Variants in CNTNAP2 observed in about 807,000 individuals in gnomAD.
CNTNAP2 encodes the protein contactin-associated protein-like 2.
In CNTNAP2, 98 loss-of-function variants were observed where a neutral mutation model predicts 155.2. That is an observed-to-expected ratio of 0.63 (90% CI 0.54 to 0.75). The LOEUF (loss-of-function observed/expected upper bound fraction) is 0.75, where lower values mean the gene tolerates loss of function less well. Among genes scored for constraint, CNTNAP2 ranks in the 30% least tolerant of loss-of-function variants. The probability of loss-of-function intolerance (pLI) is 0.00; values close to 1 mark genes in which losing one functional copy is unlikely to be tolerated. For missense variants in CNTNAP2, 1,727 were observed against 1,688.1 expected (o/e 1.02, Z -0.40); for synonymous variants, 651 against 631.2 (o/e 1.03, Z -0.47).
intron 1 of CNTNAP2, among the ~76,000 whole-genome samples, chr7:146,216,277 G>A (rs1799111534): frequency 1.3e-5 from 2 of 152,100 alleles, no homozygotes; most frequent in South Asian, 4.1e-4. Flanking sequence ...TGATCAAGGT[G>A]GGAGATATGA....
At chr7:148,174,563 A>C (rs1006156464) in intron 18 of CNTNAP2, among the ~76,000 whole-genome samples, 2 of 152,240 alleles carry the variant, frequency 1.3e-5, no homozygotes, top group Admixed American at 6.5e-5. Context: ...TGTGGAAAAC[A>C]TCGCTAATAT....
Position 147,680,240 on chromosome 7 carries a change from G to T in CNTNAP2, c.2098+40934G>T, listed in dbSNP as rs1795927756. On this transcript the variant is annotated intron_variant, in intron 13 of 23. Transcript: ENST00000361727. Reference sequence around the variant, plus strand: ...AGAGAGAAAACTTTCCCATCATCAAGTTCCTGGACACTATGGTACTGCACT... The same window carrying T: ...AGAGAGAAAACTTTCCCATCATCAATTTCCTGGACACTATGGTACTGCACT... Among the ~76,000 whole-genome samples the T allele has an allele frequency of 2.0e-5, 3 of 151,858 alleles. No homozygotes were observed. In the South Asian group the frequency reaches 6.2e-4, roughly 31 times the overall value.
At chr7:146,768,283 C>T (rs1333304963) in intron 1 of CNTNAP2, among the ~76,000 whole-genome samples, 5 of 151,434 alleles carry the variant, frequency 3.3e-5, no homozygotes, top group African/African-American at 1.2e-4. Context: ...TCTATGGCTT[C>T]CCAAGCAGCA....
rs187730406 is a variant in CNTNAP2, at chr7:146,905,044, G to A, written c.402+65140G>A. ...ATGACATTTGGGGACAGATAATTCC[G>A]TGTAGTGGGAGATTGTCCTCTGCAT... is the stretch of plus-strand genomic sequence containing the variant. On this transcript the variant is annotated intron_variant, in intron 3 of 23. Transcript: ENST00000361727. Among the ~76,000 whole-genome samples, 10 of 152,182 alleles carry A rather than the reference G, an allele frequency of 6.6e-5. No homozygotes were observed. The East Asian group carries it at 1.7e-3, about 27-fold the overall frequency.
intron 13 of CNTNAP2, among the ~76,000 whole-genome samples, chr7:147,751,536 C>A (rs1797135815): frequency 6.6e-6 from 1 of 152,066 alleles, no homozygotes; most frequent in African/African-American, 2.4e-5. Flanking sequence ...ATTGCTATAA[C>A]TCTTAAATTT....
intron 1 of CNTNAP2, among the ~76,000 whole-genome samples, chr7:146,546,569 A>G (rs540996328): frequency 2.2e-4 from 34 of 151,902 alleles, no homozygotes; most frequent in African/African-American, 8.0e-4. Flanking sequence ...CATCTAAGTT[A>G]TACTTGGTCT....
chr7:146,968,334 T>G (rs1797703643), intron 3 of CNTNAP2, among the ~76,000 whole-genome samples: 1 of 152,102 alleles, frequency 6.6e-6, no homozygotes, highest in African/African-American at 2.4e-5. Context: ...TAAAATGAGT[T>G]AGGGAGGATT....
intron 8 of CNTNAP2, among the ~76,000 whole-genome samples, chr7:147,286,350 CT>C (rs1437416316): frequency 6.6e-6 from 1 of 151,956 alleles, no homozygotes; most frequent in Non-Finnish European, 1.5e-5. Flanking sequence ...CAATAACAAT[CT>C]TATCACTACA....
chr7:147,710,005 C>T (rs1267679235), intron 13 of CNTNAP2, among the ~76,000 whole-genome samples: 1 of 152,068 alleles, frequency 6.6e-6, no homozygotes, highest in Non-Finnish European at 1.5e-5. Flanking sequence ...TGGCCAAACT[C>T]CATGGCAGAG....
intron 1 of CNTNAP2, among the ~76,000 whole-genome samples, chr7:146,697,077 A>C (rs990125259): frequency 2.0e-5 from 3 of 152,118 alleles, no homozygotes; most frequent in Non-Finnish European, 2.9e-5. Flanking sequence ...GTCAATTGCT[A>C]ATAGAGGGGT....
chr7:148,150,569 A>C (rs184857869), intron 17 of CNTNAP2, among the ~76,000 whole-genome samples: 192 of 152,054 alleles, frequency 1.3e-3, no homozygotes, highest in Non-Finnish European at 2.2e-3. Flanking sequence ...ACAAGACTCT[A>C]AAACTAACAC....
At chr7:147,923,695 A>C (rs1800327539) in intron 14 of CNTNAP2, among the ~76,000 whole-genome samples, 1 of 151,674 alleles carries the variant, frequency 6.6e-6, no homozygotes. Context: ...AAAAAAAAAA[A>C]AAATTTCTAG....
At chr7:147,047,990 G>A (rs1799398694) in intron 4 of CNTNAP2, among the ~76,000 whole-genome samples, 1 of 151,626 alleles carries the variant, frequency 6.6e-6, no homozygotes, top group Admixed American at 6.6e-5. Context: ...ATAACATAAA[G>A]CCTTTATTCT....
intron 8 of CNTNAP2, among the ~76,000 whole-genome samples, chr7:147,205,170 T>C (rs1383365964): frequency 6.6e-6 from 1 of 152,130 alleles, no homozygotes; most frequent in Non-Finnish European, 1.5e-5. Context: ...TCTGATATTT[T>C]AGTTCTCCCA....
chr7:146,383,640 C>A (rs1165439849), intron 1 of CNTNAP2, among the ~76,000 whole-genome samples: 2 of 152,150 alleles, frequency 1.3e-5, no homozygotes, highest in East Asian at 3.8e-4. Flanking sequence ...ACACATTTCC[C>A]ACTGCTAATT....
intron 21 of CNTNAP2, among the ~76,000 whole-genome samples, chr7:148,349,975 T>A (rs1283953862): frequency 6.6e-6 from 1 of 152,162 alleles, no homozygotes; most frequent in Non-Finnish European, 1.5e-5. Context: ...TGAAGTTTAT[T>A]ATGAGTTGAT....
intron 3 of CNTNAP2, among the ~76,000 whole-genome samples, chr7:146,959,518 G>A (rs1037707140): frequency 2.2e-4 from 33 of 151,322 alleles, no homozygotes; most frequent in Admixed American, 4.6e-4. Context: ...TCAGGAGTTC[G>A]AGACCAGCCT....
chr7:146,926,953 C>A (rs987001471), intron 3 of CNTNAP2, among the ~76,000 whole-genome samples: 1 of 152,048 alleles, frequency 6.6e-6, no homozygotes, highest in South Asian at 2.1e-4. Flanking sequence ...CCTTTAACCC[C>A]GAAGCCACAT....
chr7:147,398,450 G>A (rs1796857324), intron 10 of CNTNAP2, among the ~76,000 whole-genome samples: 1 of 150,814 alleles, frequency 6.6e-6, no homozygotes, highest in South Asian at 2.1e-4. Context: ...AAAAATAAAA[G>A]AGCTACACAA....
Sources: gnomAD v4.1 joint callset for allele counts (sites outside exome capture counted in the v4.1 genomes callset) on GRCh38, gnomAD v4.1.1 for gene constraint, MANE v1.5 for transcripts, NCBI Gene and HGNC (gene_info 2026-07-23, HGNC 2026-07-21) for gene names.